Variants in TSPAN18 observed in about 807,000 individuals in gnomAD.
The protein encoded by TSPAN18 is tetraspanin-18.
A neutral mutation model predicts 27.3 loss-of-function variants in TSPAN18; 14 were observed. The observed-to-expected ratio is 0.51, with a 90% CI of 0.34 to 0.80. The LOEUF (loss-of-function observed/expected upper bound fraction) is 0.80, where lower values mean the gene tolerates loss of function less well. TSPAN18 is among the 30% of genes least tolerant of loss of function. TSPAN18 has a pLI of 0.01. For synonymous variants in TSPAN18, 143 were observed against 136.5 expected (o/e 1.05, Z -0.33); for missense variants, 268 against 323.9 (o/e 0.83, Z 1.32).
At chr11:44,817,207 G>A (rs1431838890) in intron 2 of TSPAN18, among the ~76,000 whole-genome samples, 1 of 152,252 alleles carries the variant, frequency 6.6e-6, no homozygotes, top group African/African-American at 2.4e-5. Flanking sequence ...TGGCTTTGCT[G>A]CCTGCCCTCA....
At chr11:44,752,945 AT>A (rs1855246220) in intron 1 of TSPAN18, among the ~76,000 whole-genome samples, 1 of 152,198 alleles carries the variant, frequency 6.6e-6, no homozygotes, top group African/African-American at 2.4e-5. Flanking sequence ...CCCCTGGGTA[AT>A]TACAGGATTC....
At chr11:44,904,529 CCT>C (rs1417802283) in intron 3 of TSPAN18, among the ~76,000 whole-genome samples, 1 of 152,242 alleles carries the variant, frequency 6.6e-6, no homozygotes, top group Non-Finnish European at 1.5e-5. Flanking sequence ...AGGCACCACC[CCT>C]GAGACCAGGA....
At chr11:44,816,698 C>G (rs1590521579) in intron 2 of TSPAN18, among the ~76,000 whole-genome samples, 1 of 152,176 alleles carries the variant, frequency 6.6e-6, no homozygotes, top group South Asian at 2.1e-4. Context: ...CTGCTTTCTC[C>G]GAGCCTGCCT....
intron 1 of TSPAN18, among the ~76,000 whole-genome samples, chr11:44,754,727 C>T (rs1043521288): frequency 4.6e-5 from 7 of 152,182 alleles, no homozygotes; most frequent in African/African-American, 1.7e-4. Context: ...GTTAAGATGC[C>T]TGACTCCTCT....
At chr11:44,917,160 G>A (rs183933275) in intron 5 of TSPAN18, among the ~76,000 whole-genome samples, 14 of 152,340 alleles carry the variant, frequency 9.2e-5, no homozygotes, top group Middle Eastern at 3.4e-3. Context: ...TGTGGTGCGG[G>A]GGAGCCCAGG....
At chr11:44,788,546 C>T (rs973997997) in intron 2 of TSPAN18, among the ~76,000 whole-genome samples, 5 of 149,538 alleles carry the variant, frequency 3.3e-5, no homozygotes, top group African/African-American at 1.2e-4. Flanking sequence ...CAACCTCTGA[C>T]TCCCTGGTTC....
chr11:44,758,309 TG>T (rs1251876708), intron 1 of TSPAN18, among the ~76,000 whole-genome samples: 1 of 152,238 alleles, frequency 6.6e-6, no homozygotes, highest in African/African-American at 2.4e-5. Context: ...GATATAATTG[TG>T]TGGGGGTATT....
chr11:44,901,573 G>A (rs1250166820), intron 3 of TSPAN18, among the ~76,000 whole-genome samples: 1 of 152,244 alleles, frequency 6.6e-6, no homozygotes, highest in Non-Finnish European at 1.5e-5. Context: ...AGAGGAAACA[G>A]TCAGGCCATC....
At chr11:44,912,501 AG>A in intron 5 of TSPAN18, among the ~76,000 whole-genome samples, 1 of 152,184 alleles carries the variant, frequency 6.6e-6, no homozygotes, top group South Asian at 2.1e-4. Context: ...GCTTGGATCA[AG>A]GTCTTCTGGC....
chr11:44,900,608 C>T (rs1859223181), intron 3 of TSPAN18, among the ~76,000 whole-genome samples: 1 of 148,204 alleles, frequency 6.7e-6, no homozygotes, highest in Non-Finnish European at 1.5e-5. Flanking sequence ...TCAGTGTATG[C>T]CAGTGGTTAC....
At chr11:44,903,481 G>C (rs1486345700) in intron 3 of TSPAN18, 1 of 456,626 alleles carries the variant, frequency 2.2e-6, no homozygotes, top group Non-Finnish European at 4.4e-6. Context: ...GTAGAGGTTG[G>C]GTTCCAGCAA....
chr11:44,791,651 G>C (rs1856225498), intron 2 of TSPAN18, among the ~76,000 whole-genome samples: 4 of 152,234 alleles, frequency 2.6e-5, no homozygotes, highest in Admixed American at 2.6e-4. Context: ...CCAGGCTCCA[G>C]GGAACCAGTC....
chr11:44,733,131 GC>G (rs1299812895), intron 1 of TSPAN18, among the ~76,000 whole-genome samples: 1 of 152,202 alleles, frequency 6.6e-6, no homozygotes, highest in Non-Finnish European at 1.5e-5. Flanking sequence ...CCCCAAACCA[GC>G]CCCCAGGGAG....
At chr11:44,782,508 A>C (rs773741847) in intron 2 of TSPAN18, among the ~76,000 whole-genome samples, 49 of 149,698 alleles carry the variant, frequency 3.3e-4, no homozygotes, top group Non-Finnish European at 6.3e-4. Context: ...ATGCCACTGC[A>C]CTCCAGCTTG....
At chr11:44,893,092 T>C (rs35001536) in intron 3 of TSPAN18, among the ~76,000 whole-genome samples, 21,977 of 152,208 alleles carry the variant, frequency 0.14, 1,698 homozygotes, top group Middle Eastern at 0.22. Flanking sequence ...GGAGACAACC[T>C]TCACTAAGAT....
rs145333788 is a variant in TSPAN18 at position 44,821,418 on chromosome 11, T to G, written c.-152-38910T>G. Among the ~76,000 whole-genome samples the G allele has an allele frequency of 1.1e-3, 161 of 152,308 alleles. 2 individuals are homozygous for G. The highest frequency in any genetic ancestry group is 3.8e-3 in the African/African-American group (157 of 41,566). On this transcript the variant is annotated intron_variant, in intron 2 of 9. Coordinates refer to ENST00000520358, the MANE Select transcript of TSPAN18 (RefSeq NM_130783.5). ...CTTTTAATTAGAACATTACAAACAG[T>G]AGAATCAGGAAGAAGAAAAGATGAA...
intron 2 of TSPAN18, among the ~76,000 whole-genome samples, chr11:44,839,428 T>C (rs571595556): frequency 3.9e-4 from 60 of 152,330 alleles, no homozygotes; most frequent in African/African-American, 1.4e-3. Flanking sequence ...TCGGGCTCTT[T>C]TCCCTTTTCC....
chr11:44,919,539 T>C, intron 7 of TSPAN18: 1 of 612,588 alleles, frequency 1.6e-6, no homozygotes, highest in Non-Finnish European at 2.9e-6. Context: ...CAAGCAATGG[T>C]CATTATGATG....
At chr11:44,883,645 A>G (rs201758698) in intron 3 of TSPAN18, among the ~76,000 whole-genome samples, 1 of 152,214 alleles carries the variant, frequency 6.6e-6, no homozygotes, top group East Asian at 1.9e-4. Context: ...AACTTGCTCA[A>G]CATCAGAGTC....
Sources: gnomAD v4.1 joint callset for allele counts (sites outside exome capture counted in the v4.1 genomes callset) on GRCh38, gnomAD v4.1.1 for gene constraint, MANE v1.5 for transcripts, NCBI Gene and HGNC (gene_info 2026-07-23, HGNC 2026-07-21) for gene names.